The following NOD1 variants were observed in gnomAD, a reference collection of about 807,000 sequenced individuals.
NOD1 encodes nucleotide binding oligomerization domain containing 1.
A neutral mutation model predicts 81.2 loss-of-function variants in NOD1; 70 were observed. The observed-to-expected ratio is 0.86, with a 90% confidence interval of 0.71 to 1.05. NOD1 has a LOEUF of 1.05. Among genes scored for constraint, NOD1 ranks in the 50% least tolerant of loss-of-function variants. The pLI is 0.00. For missense variants in NOD1, 1,233 were observed against 1,228.0 expected (o/e 1.00, Z -0.06); for synonymous variants, 508 against 526.9 (o/e 0.96, Z 0.49).
chr7:30,426,586 A>AT (rs1170159371), intron 13 of NOD1, among the ~76,000 whole-genome samples: 1 of 151,966 alleles, frequency 6.6e-6, no homozygotes, highest in Admixed American at 6.6e-5. Context: ...GTCTTTTTGC[A>AT]TTGCAGATCT....
intron 1 of NOD1, among the ~76,000 whole-genome samples, chr7:30,465,131 T>C (rs1314103749): frequency 6.6e-6 from 1 of 152,162 alleles, no homozygotes; most frequent in Non-Finnish European, 1.5e-5. Context: ...TCTCAAGGGC[T>C]TCCTTGGGCT....
At chr7:30,447,482 C>T (rs1007369887) in intron 7 of NOD1, 2 of 239,454 alleles carry the variant, frequency 8.4e-6, no homozygotes, top group African/African-American at 4.6e-5. Context: ...TACCTTTCAG[C>T]CATCTCACCG....
intron 9 of NOD1, 40 bp from the exon 10 acceptor site, chr7:30,437,696 G>A (rs987409225): frequency 7.1e-7 from 1 of 1,417,740 alleles, no homozygotes; most frequent in Non-Finnish European, 9.4e-7. Flanking sequence ...AGCTCCCCAA[G>A]AAACAGCCAT....
intron 11 of NOD1, among the ~76,000 whole-genome samples, chr7:30,434,938 T>G (rs1336162905): frequency 6.6e-6 from 1 of 150,580 alleles, no homozygotes; most frequent in Non-Finnish European, 1.5e-5. Context: ...CTGTAAGGAA[T>G]GTTTTTTTTT....
intron 4 of NOD1, among the ~76,000 whole-genome samples, chr7:30,456,230 C>T (rs1786356738): frequency 6.6e-6 from 1 of 152,170 alleles, no homozygotes; most frequent in Non-Finnish European, 1.5e-5. Flanking sequence ...CAGGAGATAA[C>T]GCAAAGCGTA....
chr7:30,466,635 C>T (rs1433687978), intron 1 of NOD1, among the ~76,000 whole-genome samples: 3 of 152,076 alleles, frequency 2.0e-5, no homozygotes, highest in African/African-American at 7.2e-5. Flanking sequence ...CCACTGTACT[C>T]CAGCCTGGGT....
At position 30,429,441 on chromosome 7, in the gene NOD1, T is replaced by A. The variant is rs1214144219; in HGVS notation, c.2722A>T (p.Ile908Phe). 6.2e-7 allele frequency: 1 copy of A among 1,614,038 alleles called. No homozygotes were observed. The highest frequency in any genetic ancestry group is 8.5e-7 in the Non-Finnish European group (1 of 1,179,876). Residue 908 changes from isoleucine to phenylalanine, a missense_variant, in exon 13 of 14, where the codon ATC (isoleucine) becomes TTC (phenylalanine). Physicochemically the swap from Ile to Phe is conservative, Grantham distance 21. Coordinates refer to ENST00000222823, the MANE Select transcript of NOD1 (RefSeq NM_006092.4). ...AGCTGGGCAGTCCCCTTAGCTGTGA[T>A]CTGATTCTGGATAAGCCTGAAAGAA... The part of the protein sequence containing the change: ...LKHLWLIQNQ[I>F]TAKGTAQLAD...
chr7:30,435,926 C>A (rs568459035), intron 11 of NOD1, 72 bp downstream of exon 11: 2 of 1,305,188 alleles, frequency 1.5e-6, no homozygotes, highest in Admixed American at 1.8e-5. Context: ...CCAATGCACT[C>A]AAGCCTGGAC....
Position 30,446,157 on chromosome 7 carries a change from AT to A in NOD1, c.2436del (p.Lys812AsnfsTer31). 6.2e-7 allele frequency: 1 copy of A among 1,612,346 alleles called. No individual in the cohort carries two copies. Among genetic ancestry groups the A allele is most frequent in the African/African-American group, 1.3e-5 (1 of 74,966 alleles). ...TCTACTCACCCAACCTCAGAGATTG[AT>A]TTGCTGTTCTTCACAGCCAGGGCGA... ...KYLALAVKNS[K>X]SISEVGMWGN... On this transcript the variant is annotated frameshift_variant, in exon 9 of 14. Coordinates refer to ENST00000222823, the MANE Select transcript of NOD1 (RefSeq NM_006092.4). LOFTEE classifies it high-confidence loss of function.
At position 30,452,398 on chromosome 7, in the gene NOD1, C is replaced by T. The variant is rs767457642; in HGVS notation, c.1019G>A (p.Arg340His). Reference protein sequence around the residue: ...LTARTGIEVPRQFLRKKVLLR... With the variant: ...LTARTGIEVPHQFLRKKVLLR... ...AAGCACCTTCTTCCGCAGGAACTGG[C>T]GCGGGACCTCGATGCCTGTGCGGGC... Residue 340 changes from arginine to histidine, a missense_variant, in exon 6 of 14, where the codon CGC becomes CAC. Physicochemically the swap from Arg to His is conservative, Grantham distance 29. Coordinates refer to ENST00000222823, the MANE Select transcript of NOD1 (RefSeq NM_006092.4). 28 of 1,613,178 alleles carry T rather than the reference C, an allele frequency of 1.7e-5. No individual in the cohort carries two copies. Among genetic ancestry groups the T allele is most frequent in the South Asian group, 5.5e-5 (5 of 91,084 alleles).
At chr7:30,426,431 C>G (rs985194318) in intron 13 of NOD1, among the ~76,000 whole-genome samples, 11 of 151,328 alleles carry the variant, frequency 7.3e-5, no homozygotes, top group Non-Finnish European at 1.6e-4. Flanking sequence ...TAGAATGCCT[C>G]CCTGGAACCT....
chr7:30,474,140 G>T (rs770889992), intron 1 of NOD1, among the ~76,000 whole-genome samples: 1 of 152,180 alleles, frequency 6.6e-6, no homozygotes, highest in South Asian at 2.1e-4. Context: ...AAAAGCCAAG[G>T]CTCAAGAAGA....
intron 10 of NOD1, among the ~76,000 whole-genome samples, chr7:30,437,063 T>C (rs553789670): frequency 8.5e-5 from 13 of 152,280 alleles, no homozygotes; most frequent in African/African-American, 3.1e-4. Flanking sequence ...AATGAGATCA[T>C]GTCCTTTGCT....
At chr7:30,436,138 G>T in intron 10 of NOD1, 57 bp from the exon 11 acceptor site, 1 of 1,366,080 alleles carries the variant, frequency 7.3e-7, no homozygotes, top group Non-Finnish European at 1.0e-6. Context: ...TTCAATCTTA[G>T]CTTCAACATC....
chr7:30,469,787 T>C (rs1364569179), intron 1 of NOD1, among the ~76,000 whole-genome samples: 1 of 152,232 alleles, frequency 6.6e-6, no homozygotes, highest in Admixed American at 6.5e-5. Flanking sequence ...GCCCTGGACT[T>C]GTCCGGATCA....
At chr7:30,463,192 C>T (rs978688503) in intron 1 of NOD1, among the ~76,000 whole-genome samples, 4 of 151,976 alleles carry the variant, frequency 2.6e-5, no homozygotes, top group South Asian at 2.1e-4. Flanking sequence ...TAGATACATA[C>T]GACTTGTCAA....
At chr7:30,432,476 C>A (rs973868809) in intron 12 of NOD1, among the ~76,000 whole-genome samples, 1 of 152,116 alleles carries the variant, frequency 6.6e-6, no homozygotes, top group Admixed American at 6.5e-5. Context: ...AAATTGGAAT[C>A]CACATACATT....
At chr7:30,434,806 T>G (rs1431210092) in intron 11 of NOD1, among the ~76,000 whole-genome samples, 1 of 152,244 alleles carries the variant, frequency 6.6e-6, no homozygotes, top group Non-Finnish European at 1.5e-5. Context: ...AGGCCTAATG[T>G]CAAAACTCTC....
Position 30,451,287 on chromosome 7 carries a change from T to C in NOD1, c.2130A>G (p.Leu710=). 6.2e-7 allele frequency: 1 copy of C among 1,614,170 alleles called. No homozygotes were observed. Among genetic ancestry groups the C allele is most frequent in the Non-Finnish European group, 8.5e-7 (1 of 1,180,020 alleles). Residue 710 remains leucine (L), a synonymous_variant, in exon 6 of 14, where the codon CTA becomes CTG. Transcript: ENST00000222823. The surrounding 1 kb of genome is among the most constrained non-coding windows in gnomAD (Gnocchi z 4.2). ...CGTAGTCGTTGAGATTGTTGTTGTCTAGGTCTAGGGCCAGCCGCTTGGGGA... is the reference window on the plus strand; with the variant it reads ...CGTAGTCGTTGAGATTGTTGTTGTCCAGGTCTAGGGCCAGCCGCTTGGGGA... ...HHFPKRLALD[L]DNNNLNDYGV... is the part of the protein sequence containing the mutation.
Sources: allele counts gnomAD v4.1 joint callset (sites outside exome capture counted in the v4.1 genomes callset), GRCh38; gene constraint gnomAD v4.1.1; non-coding constraint Gnocchi (gnomAD v3.1); transcripts MANE v1.5; gene names NCBI Gene and HGNC (gene_info 2026-07-23, HGNC 2026-07-21).